The following AIMP2 variants were observed in gnomAD, a reference collection of about 807,000 sequenced individuals.
AIMP2 encodes the protein aminoacyl tRNA synthetase complex interacting multifunctional protein 2.
AIMP2 carries 20 observed loss-of-function variants against 23.4 expected under a neutral mutation model. The observed-to-expected ratio is 0.85, with a 90% CI of 0.60 to 1.24. The LOEUF is 1.24. Ranked by LOEUF, AIMP2 falls within the 50% of genes most tolerant of loss-of-function variation. AIMP2 has a pLI of 0.00. For synonymous variants in AIMP2, 210 were observed against 170.4 expected (o/e 1.23, Z -1.81); for missense variants, 515 against 414.5 (o/e 1.24, Z -2.10).
chr7:6,023,342 G>GC lies in AIMP2; in HGVS notation c.618dup (p.Ile207HisfsTer20). 1 of 1,610,198 alleles carries GC rather than the reference G, an allele frequency of 6.2e-7. No individual in the cohort carries two copies. The highest frequency in any genetic ancestry group is 8.5e-7 in the Non-Finnish European group (1 of 1,178,872). On this transcript the variant is annotated frameshift_variant, in exon 4 of 4. Coordinates refer to ENST00000223029, the MANE Select transcript of AIMP2 (RefSeq NM_006303.4). LOFTEE classifies it high-confidence loss of function. The stretch of plus-strand genomic sequence containing the variant: ...ATGAAATTCAGCATCCAGACGATGT[G>GC]CCCCATCGAAGGCGAAGGGAACATT...
Position 6,015,324 on chromosome 7 carries a change from C to G in AIMP2, c.314C>G (p.Ala105Gly). ...GAGCCCACGACTTTAACCACCAATGCGCTGGACTTGAATTCAGTGCTTGGG... is the reference window on the plus strand; with the variant it reads ...GAGCCCACGACTTTAACCACCAATGGGCTGGACTTGAATTCAGTGCTTGGG... Reference protein sequence around the residue: ...ADEPTTLTTNALDLNSVLGKD... With the variant: ...ADEPTTLTTNGLDLNSVLGKD... The change falls in exon 2 of 4, where the codon GCG (alanine) becomes GGG (glycine). Residue 105 changes from alanine to glycine, a missense_variant. Transcript: ENST00000223029. The G allele has an allele frequency of 6.2e-7, 1 of 1,614,140 alleles. No individual in the cohort carries two copies. The highest frequency in any genetic ancestry group is 8.5e-7 in the Non-Finnish European group (1 of 1,180,026).
intron 1 of AIMP2, among the ~76,000 whole-genome samples, chr7:6,009,974 AATAT>A (rs1183984035): frequency 1.1e-4 from 3 of 26,672 alleles, no homozygotes; most frequent in Non-Finnish European, 2.0e-4. Context: ...AAAAAAAAAA[AATAT>A]ATATATATAT....
rs758162658 is a variant in AIMP2, at chr7:6,017,855, G to A, written c.384G>A (p.Pro128=). ...AAGACATCGTGATCAACGCAAACCC[G>A]GCCTCCCCTCCCCTCTCCCTGCTTG... ...ALKDIVINAN[P]ASPPLSLLVL... Residue 128 remains proline (P), a synonymous_variant, in exon 3 of 4, where the codon CCG becomes CCA. Transcript: ENST00000223029. 7 of 1,613,880 alleles carry A rather than the reference G, an allele frequency of 4.3e-6. No homozygotes were observed. Among genetic ancestry groups the A allele is most frequent in the African/African-American group, 1.3e-5 (1 of 74,888 alleles).
At chr7:6,022,495 T>C (rs886520731) in intron 3 of AIMP2, 5 of 152,110 alleles carry the variant, frequency 3.3e-5, no homozygotes, top group African/African-American at 1.2e-4. Flanking sequence ...GCAACATGGT[T>C]TTGATAAGAG....
chr7:6,009,974 A>AAAAAAAAAAATATATATATAT, intron 1 of AIMP2, among the ~76,000 whole-genome samples: 4 of 26,672 alleles, frequency 1.5e-4, no homozygotes, highest in African/African-American at 1.4e-4. Flanking sequence ...AAAAAAAAAA[A>AAAAAAAAAAATATATATATAT]ATATATATAT....
chr7:6,010,810 T>TG, intron 1 of AIMP2, among the ~76,000 whole-genome samples: 1 of 150,506 alleles, frequency 6.6e-6, no homozygotes, highest in Non-Finnish European at 1.5e-5. Context: ...TCTGGGTGTT[T>TG]TTTTTTTTTT....
chr7:6,016,010 G>T (rs1427344008), intron 2 of AIMP2, among the ~76,000 whole-genome samples: 1 of 152,196 alleles, frequency 6.6e-6, no homozygotes, highest in Non-Finnish European at 1.5e-5. Flanking sequence ...TGCTTGCTCA[G>T]TGTTCCCCAG....
At chr7:6,016,153 GC>G (rs562762931) in intron 2 of AIMP2, among the ~76,000 whole-genome samples, 34 of 152,250 alleles carry the variant, frequency 2.2e-4, no homozygotes, top group African/African-American at 7.2e-4. Context: ...TATTTCAAAT[GC>G]GTTTTGCTTG....
intron 1 of AIMP2, among the ~76,000 whole-genome samples, chr7:6,013,315 G>A (rs1465085588): frequency 7.0e-6 from 1 of 143,630 alleles, no homozygotes; most frequent in Admixed American, 7.3e-5. Context: ...AGGCTGGAGT[G>A]CAGTGGTGTG....
intron 2 of AIMP2, among the ~76,000 whole-genome samples, chr7:6,016,373 C>T (rs1315220485): frequency 1.3e-5 from 2 of 152,152 alleles, no homozygotes; most frequent in African/African-American, 4.8e-5. Context: ...GATAGAATAG[C>T]ACTACTTAAA....
chr7:6,018,985 AC>A (rs1376948480), intron 3 of AIMP2, among the ~76,000 whole-genome samples: 9 of 150,804 alleles, frequency 6.0e-5, no homozygotes, highest in African/African-American at 2.2e-4. Context: ...ACACACACAC[AC>A]ACACAATACA....
At chr7:6,009,621 GCC>G in intron 1 of AIMP2, 123 bp downstream of exon 1, 1 of 849,806 alleles carries the variant, frequency 1.2e-6, no homozygotes, top group Non-Finnish European at 1.6e-6. Context: ...ATCTGTGCCG[GCC>G]GGCCAGGGAC....
intron 3 of AIMP2, among the ~76,000 whole-genome samples, chr7:6,018,968 T>TACACACACACACACACACACAC (rs59354100): frequency 4.1e-3 from 612 of 150,642 alleles, no homozygotes; most frequent in Middle Eastern, 0.024. Flanking sequence ...TATCAAACCT[T>TACACACACACACACACACACAC]ACACACACAC....
intron 3 of AIMP2, among the ~76,000 whole-genome samples, chr7:6,019,463 C>T (rs1301280174): frequency 3.0e-5 from 4 of 131,772 alleles, no homozygotes; most frequent in Non-Finnish European, 4.6e-5. Flanking sequence ...CCAGCCTGGG[C>T]GACACAGCAA....
chr7:6,013,300 C>T (rs1443106027), intron 1 of AIMP2, among the ~76,000 whole-genome samples: 2 of 146,702 alleles, frequency 1.4e-5, no homozygotes, highest in East Asian at 2.0e-4. Flanking sequence ...CTCACTCTGC[C>T]GCCTAGGCTG....
intron 3 of AIMP2, among the ~76,000 whole-genome samples, chr7:6,020,322 G>A (rs1363496259): frequency 6.6e-6 from 1 of 152,040 alleles, no homozygotes; most frequent in Non-Finnish European, 1.5e-5. Flanking sequence ...TCAGGAGACT[G>A]AGACAGGAGA....
At chr7:6,018,149 T>A in intron 3 of AIMP2, 104 bp downstream of exon 3, 6 of 263,916 alleles carry the variant, frequency 2.3e-5, no homozygotes, top group Non-Finnish European at 3.2e-5. Flanking sequence ...TCTTTTTCTT[T>A]TTTTTTTTTT....
intron 1 of AIMP2, among the ~76,000 whole-genome samples, chr7:6,011,592 T>G (rs184377276): frequency 1.7e-4 from 26 of 152,352 alleles, no homozygotes; most frequent in Admixed American, 1.7e-3. Flanking sequence ...TTCTGTTTTC[T>G]TTAATGGCTT....
chr7:6,018,355 G>A (rs536937738), intron 3 of AIMP2, among the ~76,000 whole-genome samples: 1 of 149,944 alleles, frequency 6.7e-6, no homozygotes, highest in South Asian at 2.1e-4. Context: ...TCACTATATT[G>A]GTCAGGCTGG....
Sources: gnomAD v4.1 joint callset for allele counts (sites outside exome capture counted in the v4.1 genomes callset) on GRCh38, gnomAD v4.1.1 for gene constraint, MANE v1.5 for transcripts, NCBI Gene and HGNC (gene_info 2026-07-23, HGNC 2026-07-21) for gene names.